Variants in COASY observed in about 807,000 individuals in gnomAD.
The protein encoded by COASY is Coenzyme A synthase.
A neutral mutation model predicts 49.4 loss-of-function variants in COASY; 31 were observed. The ratio of observed to expected loss-of-function variants is 0.63; its 90% confidence interval spans 0.47 to 0.85. The LOEUF (loss-of-function observed/expected upper bound fraction) is 0.85. Ranked by LOEUF, COASY falls within the 40% of genes least tolerant of loss-of-function variation. COASY has a pLI of 0.00. For synonymous variants in COASY, 285 were observed against 310.9 expected (o/e 0.92, Z 0.88); for missense variants, 730 against 734.1 (o/e 0.99, Z 0.06).
chr17:42,563,937 T>C, intron 1 of COASY, 24 bp from the exon 2 acceptor site: 4 of 1,568,482 alleles, frequency 2.6e-6, no homozygotes, highest in South Asian at 1.2e-5. Context: ...AAGATCTCAC[T>C]GTTCTTCTGG....
At chr17:42,565,867 C>G (rs1404252662) in intron 8 of COASY, 39 bp from the exon 9 acceptor site, 1 of 1,613,988 alleles carries the variant, frequency 6.2e-7, no homozygotes, top group South Asian at 1.1e-5. Flanking sequence ...CTGCCTGACC[C>G]TGCCCTCTCT....
rs201819803 is a variant in COASY, at chr17:42,562,793, C to T, written c.171C>T (p.Pro57=). 1.2e-6 allele frequency: 2 copies of T among 1,611,322 alleles called. No homozygotes were observed. Among genetic ancestry groups the T allele is most frequent in the African/African-American group, 1.3e-5 (1 of 74,888 alleles). ...LEGPAQPQSS[P]VQATFEVLDF... ...GCCCGGCTCAGCCCCAGTCCAGCCC[C>T]GTGCAGGCCACGTTTGAGGTTCTTG... Residue 57 remains proline, a synonymous_variant, in exon 1 of 9, where the codon CCC becomes CCT. Transcript: ENST00000393818.
rs2093002276 is a variant in COASY, at chr17:42,565,896, C to T, written c.1633-10C>T. 1.2e-6 allele frequency: 2 copies of T among 1,614,018 alleles called. No homozygotes were observed. The highest frequency in any genetic ancestry group is 8.5e-7 in the Non-Finnish European group (1 of 1,180,038). ...CCTCTCTTCCTCCCAACATCCTGGC[C>T]TGTCTGAAGGTGGAGAAAGCCTGGG... On this transcript the variant is annotated splice_polypyrimidine_tract_variant and intron_variant, in intron 8 of 8. Transcript: ENST00000393818.
chr17:42,563,431 T>C lies in COASY; in HGVS notation c.700+109T>C, dbSNP rs74629432. ...AGGGCCATTCATTACTTCCCACCCT[T>C]CCCAAATGTCACAGTGGTTGACACT... On this transcript the variant is annotated intron_variant, in intron 1 of 8. Coordinates refer to ENST00000393818, the MANE Select transcript of COASY (RefSeq NM_025233.7). 1.9e-4 allele frequency: 205 copies of C among 1,054,352 alleles called. No individual in the cohort carries two copies. In the African/African-American group the frequency reaches 3.0e-3, roughly 15 times the overall value. 65.3% of individuals were successfully genotyped at this position (1,054,352 alleles called of 1,614,324 possible).
In COASY at chr17:42,565,215, T is replaced by C; in HGVS notation, c.1303-12T>C. 6.2e-7 allele frequency: 1 copy of C among 1,613,764 alleles called. No individual in the cohort carries two copies. The highest frequency in any genetic ancestry group is 8.5e-7 in the Non-Finnish European group (1 of 1,179,872). On this transcript the variant is annotated splice_polypyrimidine_tract_variant and intron_variant, in intron 5 of 8. Coordinates refer to ENST00000393818, the MANE Select transcript of COASY (RefSeq NM_025233.7). ...AGAGAAGGTAACCTCTGCCCTCTGT[T>C]CCCCTCCCCAGAAGCAGCTGAAGAT...
chr17:42,565,666 G>A lies in COASY; in HGVS notation c.1493G>A (p.Arg498Lys), dbSNP rs1012984289. 6.2e-7 allele frequency: 1 copy of A among 1,614,160 alleles called. No homozygotes were observed. The highest frequency in any genetic ancestry group is 8.5e-7 in the Non-Finnish European group (1 of 1,180,034). ...TGTCTCGTCTGTGCTCAGGCTGTAA[G>A]ACGCATTGTGGAGAGGGATGGCCTC... ...TAVIPETEAV[R>K]RIVERDGLSE... is the part of the protein sequence containing the mutation. The change falls in exon 8 of 9, where the codon AGA becomes AAA. Residue 498 changes from arginine to lysine, a missense_variant. Coordinates refer to ENST00000393818, the MANE Select transcript of COASY (RefSeq NM_025233.7).
At position 42,564,166 on chromosome 17, in the gene COASY, C is replaced by T; in HGVS notation, c.906C>T (p.Arg302=). ...GGGGGATGGCCATCAACCGCTTCCG[C>T]CTTGAGAATGTAACCCCTGAGGGAG... ...YRGGMAINRF[R]LENDLEELAL... Residue 302 remains arginine (R), a synonymous_variant, in exon 2 of 9, where the codon CGC becomes CGT. Transcript: ENST00000393818. The T allele has an allele frequency of 6.2e-7, 1 of 1,613,954 alleles. No homozygotes were observed. Among genetic ancestry groups the T allele is most frequent in the Non-Finnish European group, 8.5e-7 (1 of 1,179,950 alleles).
rs375703381 is a variant in COASY at position 42,565,534 on chromosome 17, A to T, written c.1451A>T (p.His484Leu). The T allele has an allele frequency of 2.3e-5, 37 of 1,614,214 alleles. No individual in the cohort carries two copies. The highest frequency in any genetic ancestry group is 3.1e-5 in the Non-Finnish European group (37 of 1,180,024). ...GAAGCCGGCTGGCAGAACCTGGTCC[A>T]TGAGGTGTGGACTGCTGTCATCCCA... ...LLEAGWQNLV[H>L]EVWTAVIPET... Residue 484 changes from histidine to leucine, a missense_variant, in exon 7 of 9, where the codon CAT becomes CTT. His to Leu is a moderately conservative substitution (Grantham distance 99). Transcript: ENST00000393818.
rs2092978660 is a variant in COASY, at chr17:42,562,333, C to T, written c.-290C>T. ...GCCCAGGATTTTTGGATCCCCAGCC[C>T]TGTGACAAGGGTTCCTGTCCAGTTT... On this transcript the variant is annotated 5_prime_UTR_variant, in exon 1 of 9. Transcript: ENST00000393818. 3 of 1,378,788 alleles carry T rather than the reference C, an allele frequency of 2.2e-6. No homozygotes were observed. In the South Asian group the frequency reaches 3.5e-5, roughly 16 times the overall value. 85.4% of individuals were successfully genotyped at this position (1,378,788 alleles called of 1,614,324 possible).
In COASY at chr17:42,562,290, G is replaced by C. The variant is rs956962789; in HGVS notation, c.-333G>C. 2.4e-6 allele frequency: 2 copies of C among 841,872 alleles called. No homozygotes were observed. The highest frequency in any genetic ancestry group is 5.0e-5 in the East Asian group (2 of 39,984). 52.2% of individuals were successfully genotyped at this position (841,872 alleles called of 1,614,324 possible). On this transcript the variant is annotated 5_prime_UTR_variant, in exon 1 of 9. Transcript: ENST00000393818. ...CCTCTTCGATTCCTTGAAGACCCTGGTGCAGCTTAGCAAGAGGGCCCAGGA... is the reference window on the plus strand; with the variant it reads ...CCTCTTCGATTCCTTGAAGACCCTGCTGCAGCTTAGCAAGAGGGCCCAGGA...
rs778200719 is a variant in COASY at position 42,565,787 on chromosome 17, G to A, written c.1614G>A (p.Pro538=). The A allele has an allele frequency of 2.5e-5, 41 of 1,613,684 alleles. No individual in the cohort carries two copies. The highest frequency in any genetic ancestry group is 3.3e-5 in the Non-Finnish European group (39 of 1,180,004). ...SHVVLSTLWE[P]HITQRQVEKA... Reference sequence around the variant, plus strand: ...TGGTGCTCAGCACCTTGTGGGAGCCGCATATCACCCAACGCCAGGTTGGTG... The same window carrying A: ...TGGTGCTCAGCACCTTGTGGGAGCCACATATCACCCAACGCCAGGTTGGTG... The change falls in exon 8 of 9, where the codon CCG becomes CCA. Residue 538 remains proline, a synonymous_variant. Transcript: ENST00000393818.
chr17:42,564,508 T>C lies in COASY; in HGVS notation c.978T>C (p.Asn326=), dbSNP rs1259105745. 1 of 1,613,134 alleles carries C rather than the reference T, an allele frequency of 6.2e-7. No individual in the cohort carries two copies. The highest frequency in any genetic ancestry group is 8.5e-7 in the Non-Finnish European group (1 of 1,179,508). Residue 326 remains asparagine, a synonymous_variant, in exon 3 of 9, where the codon AAT becomes AAC. Transcript: ENST00000393818. ...TGAAGGACCTCAGACATACAGAGAA[T>C]GAAGAGGACAAAGTCAGCTCCTCCA... ...QLLKDLRHTE[N]EEDKVSSSSF...
In COASY at chr17:42,562,693, C is replaced by A; in HGVS notation, c.71C>A (p.Ser24Tyr). The A allele has an allele frequency of 6.4e-7, 1 of 1,558,216 alleles. No individual in the cohort carries two copies. The highest frequency in any genetic ancestry group is 8.7e-7 in the Non-Finnish European group (1 of 1,153,140). The part of the protein sequence containing the change: ...PLASLAPRLA[S>Y]ILTSAARLVN... ...GCCTCCCTAGCCCCTCGCCTGGCCT[C>A]CATCCTGACCTCGGCGGCCCGGCTG... Residue 24 changes from serine to tyrosine, a missense_variant, in exon 1 of 9, where the codon TCC becomes TAC. Coordinates refer to ENST00000393818, the MANE Select transcript of COASY (RefSeq NM_025233.7).
chr17:42,564,506 A>G lies in COASY; in HGVS notation c.976A>G (p.Asn326Asp). 2 of 1,613,428 alleles carry G rather than the reference A, an allele frequency of 1.2e-6. No individual in the cohort carries two copies. The highest frequency in any genetic ancestry group is 1.1e-5 in the South Asian group (1 of 90,992). ...GCTGAAGGACCTCAGACATACAGAG[A>G]ATGAAGAGGACAAAGTCAGCTCCTC... ...QLLKDLRHTE[N>D]EEDKVSSSSF... is the part of the protein sequence containing the mutation. Residue 326 changes from asparagine (N) to aspartate (D), a missense_variant, in exon 3 of 9, where the codon AAT (asparagine) becomes GAT (aspartate). Transcript: ENST00000393818.
chr17:42,563,396 A>G lies in COASY; in HGVS notation c.700+74A>G, dbSNP rs2092987436. 2.3e-5 allele frequency: 32 copies of G among 1,377,064 alleles called. 1 individual carries two copies. In the South Asian group the frequency reaches 4.2e-4, roughly 18 times the overall value. 85.3% of individuals were successfully genotyped at this position (1,377,064 alleles called of 1,614,324 possible). On this transcript the variant is annotated intron_variant, in intron 1 of 8. Transcript: ENST00000393818. ...CACCCCCGACCCTTATGCCGAGATC[A>G]AGGAAGGGTAGGGCCATTCATTACT...
In COASY at chr17:42,562,662, C is replaced by G. The variant is rs1279154386; in HGVS notation, c.40C>G (p.Pro14Ala). The stretch of plus-strand genomic sequence containing the variant: ...GTCGGGTCTCCTGGTGCTGACGACG[C>G]CGCTGGCCTCCCTAGCCCCTCGCCT... ...FRSGLLVLTT[P>A]LASLAPRLAS... The change falls in exon 1 of 9, where the codon CCG becomes GCG. Residue 14 changes from proline (P) to alanine (A), a missense_variant. Transcript: ENST00000393818. 2.0e-6 allele frequency: 3 copies of G among 1,523,532 alleles called. No individual in the cohort carries two copies. The highest frequency in any genetic ancestry group is 4.2e-5 in the Admixed American group (2 of 47,978). The allele number at this position is 1,523,532 out of a possible 1,614,324, so 94.4% of individuals were successfully genotyped here.
rs2092992434 is a variant in COASY, at chr17:42,564,498, A to G, written c.968A>G (p.His323Arg). ...YQIQLLKDLR[H>R]TENEEDKVSS... Reference sequence around the variant, plus strand: ...ATCCAGCTGCTGAAGGACCTCAGACATACAGAGAATGAAGAGGACAAAGTC... The same window carrying G: ...ATCCAGCTGCTGAAGGACCTCAGACGTACAGAGAATGAAGAGGACAAAGTC... The change falls in exon 3 of 9, where the codon CAT becomes CGT. Residue 323 changes from histidine (H) to arginine (R), a missense_variant. By Grantham distance (29) the His-to-Arg change is conservative. Transcript: ENST00000393818. 6.2e-6 allele frequency: 10 copies of G among 1,613,550 alleles called. No individual in the cohort carries two copies. The highest frequency in any genetic ancestry group is 3.3e-5 in the South Asian group (3 of 91,032).
In COASY at chr17:42,565,702, C is replaced by T. The variant is rs572433547; in HGVS notation, c.1529C>T (p.Ala510Val). ...IVERDGLSEA[A>V]AQSRLQSQMS... Reference sequence around the variant, plus strand: ...GAGAGGGATGGCCTCAGTGAAGCCGCGGCTCAAAGCCGGCTGCAGAGCCAG... The same window carrying T: ...GAGAGGGATGGCCTCAGTGAAGCCGTGGCTCAAAGCCGGCTGCAGAGCCAG... The change falls in exon 8 of 9, where the codon GCG (alanine) becomes GTG (valine). Residue 510 changes from alanine (A) to valine (V), a missense_variant. By Grantham distance (64) the Ala-to-Val change is moderately conservative. Transcript: ENST00000393818. 3.3e-5 allele frequency: 53 copies of T among 1,614,008 alleles called. No homozygotes were observed. In the Admixed American group the frequency reaches 3.7e-4, roughly 11 times the overall value.
Position 42,562,178 on chromosome 17 carries a change from C to T in COASY, c.-445C>T. The T allele has an allele frequency of 4.2e-6, 2 of 475,880 alleles. No homozygotes were observed. The highest frequency in any genetic ancestry group is 6.8e-5 in the South Asian group (2 of 29,396). 29.5% of individuals were successfully genotyped at this position (475,880 alleles called of 1,614,324 possible). A position where few individuals can be genotyped will look rare whatever the true frequency, so the allele number is the denominator to read the frequency against. ...TGCTTCCGGGTTGCAGCCAGGGAAG[C>T]CTCCGCGGTGGTGCAAGTGGAACCC... On this transcript the variant is annotated 5_prime_UTR_variant, in exon 1 of 9. Transcript: ENST00000393818.
Sources: allele counts gnomAD v4.1 joint callset, GRCh38; gene constraint gnomAD v4.1.1; transcripts MANE v1.5; gene names NCBI Gene and HGNC (gene_info 2026-07-23, HGNC 2026-07-21).